The following SHC3 variants were observed in gnomAD, a reference collection of about 807,000 sequenced individuals.
SHC3 encodes SHC-transforming protein 3.
Under a neutral mutation model 60.4 loss-of-function variants are expected in SHC3, and 15 were observed. The ratio of observed to expected loss-of-function variants is 0.25; its 90% CI spans 0.17 to 0.38. The LOEUF is 0.38. SHC3 is among the 10% of genes least tolerant of loss of function. SHC3 has a pLI of 1.00. For missense variants in SHC3, 677 were observed against 786.1 expected (o/e 0.86, Z 1.66); for synonymous variants, 294 against 325.9 (o/e 0.90, Z 1.05).
At chr9:89,108,115 A>G (rs1564149411) in intron 2 of SHC3, among the ~76,000 whole-genome samples, 1 of 152,214 alleles carries the variant, frequency 6.6e-6, no homozygotes, top group Non-Finnish European at 1.5e-5. Flanking sequence ...TAGGAGCAAT[A>G]GGCTATGCTA....
chr9:89,124,567 C>T (rs1049646707), intron 1 of SHC3, among the ~76,000 whole-genome samples: 1 of 152,112 alleles, frequency 6.6e-6, no homozygotes, highest in Non-Finnish European at 1.5e-5. Context: ...AACCATCATC[C>T]TCAGCAAACT....
At chr9:89,027,116 A>G (rs773749555) in intron 11 of SHC3, among the ~76,000 whole-genome samples, 4 of 152,208 alleles carry the variant, frequency 2.6e-5, no homozygotes, top group Non-Finnish European at 5.9e-5. Flanking sequence ...GTCAGAGAAG[A>G]GCAGAGAAGC....
intron 11 of SHC3, among the ~76,000 whole-genome samples, chr9:89,016,964 C>T (rs892560203): frequency 4.6e-5 from 7 of 151,954 alleles, no homozygotes; most frequent in Non-Finnish European, 1.0e-4. Context: ...CAAATCTTAC[C>T]AAGAGATTTT....
chr9:89,082,025 G>A (rs1825452506), intron 2 of SHC3, among the ~76,000 whole-genome samples: 1 of 152,016 alleles, frequency 6.6e-6, no homozygotes, highest in Admixed American at 6.5e-5. Flanking sequence ...CAGGGAAACA[G>A]GCGACCCCCT....
At chr9:89,018,754 C>G (rs1826144569) in intron 11 of SHC3, among the ~76,000 whole-genome samples, 2 of 143,028 alleles carry the variant, frequency 1.4e-5, no homozygotes, top group Admixed American at 1.4e-4. Context: ...AATTCCTCAA[C>G]TTGATAAAGA....
intron 9 of SHC3, among the ~76,000 whole-genome samples, chr9:89,045,201 C>T (rs972043583): frequency 6.6e-6 from 1 of 151,590 alleles, no homozygotes; most frequent in African/African-American, 2.4e-5. Flanking sequence ...GCAGTGACTG[C>T]AGACGGGGTG....
At chr9:89,150,568 C>T (rs143268103) in intron 1 of SHC3, among the ~76,000 whole-genome samples, 11 of 152,234 alleles carry the variant, frequency 7.2e-5, no homozygotes, top group Admixed American at 3.9e-4. Context: ...AATACTATTC[C>T]GTTGTATGTA....
intron 11 of SHC3, among the ~76,000 whole-genome samples, chr9:89,022,837 G>C (rs1289405327): frequency 2.0e-5 from 3 of 152,066 alleles, no homozygotes; most frequent in African/African-American, 4.8e-5. Context: ...TCCTTACCCC[G>C]AAGCCTGCCC....
intron 5 of SHC3, among the ~76,000 whole-genome samples, chr9:89,067,294 C>G (rs938792023): frequency 1.3e-5 from 2 of 152,208 alleles, no homozygotes; most frequent in Non-Finnish European, 2.9e-5. Context: ...TAAGATAGCA[C>G]TAGATTTCAA....
At chr9:89,044,720 G>A (rs538542570) in intron 9 of SHC3, among the ~76,000 whole-genome samples, 1 of 152,330 alleles carries the variant, frequency 6.6e-6, no homozygotes, top group South Asian at 2.1e-4. Context: ...ACTTATGTGA[G>A]CAATTAGCAG....
chr9:89,131,984 T>C (rs988068135), intron 1 of SHC3, among the ~76,000 whole-genome samples: 38 of 152,204 alleles, frequency 2.5e-4, no homozygotes, highest in African/African-American at 8.4e-4. Flanking sequence ...CGTTTGCAGA[T>C]GACGTGATTG....
At chr9:89,092,520 G>A (rs969055088) in intron 2 of SHC3, among the ~76,000 whole-genome samples, 1 of 151,320 alleles carries the variant, frequency 6.6e-6, no homozygotes. Context: ...GGGAGGCTGA[G>A]GCAGGAGAAT....
chr9:89,020,768 C>T (rs910356640), intron 11 of SHC3, among the ~76,000 whole-genome samples: 2 of 152,058 alleles, frequency 1.3e-5, no homozygotes, highest in African/African-American at 4.8e-5. Flanking sequence ...AGGTGAGTCC[C>T]CCTCACCAAC....
chr9:89,122,272 A>G (rs906307743), intron 1 of SHC3, among the ~76,000 whole-genome samples: 2 of 152,266 alleles, frequency 1.3e-5, no homozygotes, highest in Non-Finnish European at 1.5e-5. Flanking sequence ...TGAAGCAGTC[A>G]GTAACTTTGC....
At chr9:89,089,767 G>A (rs1333982532) in intron 2 of SHC3, among the ~76,000 whole-genome samples, 1 of 152,118 alleles carries the variant, frequency 6.6e-6, no homozygotes, top group Non-Finnish European at 1.5e-5. Context: ...GATGGGGAGG[G>A]GTCAGAGCCC....
At chr9:89,036,586 T>C (rs1007835250) in intron 11 of SHC3, among the ~76,000 whole-genome samples, 8 of 152,160 alleles carry the variant, frequency 5.3e-5, no homozygotes, top group Admixed American at 1.3e-4. Flanking sequence ...GTAAGTGACA[T>C]GTGGACTGCA....
chr9:89,041,943 A>G, intron 10 of SHC3, 83 bp downstream of exon 10: 1 of 1,525,958 alleles, frequency 6.6e-7, no homozygotes, highest in Non-Finnish European at 8.9e-7. Context: ...CAGAAAATTC[A>G]GTAATTACAC....
chr9:89,045,943 C>T (rs1226970686), intron 8 of SHC3, 110 bp from the exon 9 acceptor site: 9 of 971,746 alleles, frequency 9.3e-6, no homozygotes, highest in Admixed American at 8.4e-5. Flanking sequence ...GGTTCGCATC[C>T]TCTGTTACAC....
chr9:89,122,637 A>G (rs1234450757), intron 1 of SHC3, among the ~76,000 whole-genome samples: 1 of 152,314 alleles, frequency 6.6e-6, no homozygotes, highest in African/African-American at 2.4e-5. Flanking sequence ...CTCCCTCCAC[A>G]TTCTATTAGT....
Sources: gnomAD v4.1 joint callset for allele counts (sites outside exome capture counted in the v4.1 genomes callset) on GRCh38, gnomAD v4.1.1 for gene constraint, MANE v1.5 for transcripts, NCBI Gene and HGNC (gene_info 2026-07-23, HGNC 2026-07-21) for gene names.